SHANK2: variants seen among roughly 807,000 people sequenced by gnomAD.
The protein encoded by SHANK2 is SH3 and multiple ankyrin repeat domains protein 2.
A neutral mutation model predicts 133.7 loss-of-function variants in SHANK2; 43 were observed. That is an observed-to-expected ratio of 0.32 (90% CI 0.25 to 0.41). The LOEUF (loss-of-function observed/expected upper bound fraction) is 0.41. Ranked by LOEUF, SHANK2 falls within the 10% of genes least tolerant of loss-of-function variation. The pLI is 1.00. For synonymous variants in SHANK2, 1,017 were observed against 952.8 expected (o/e 1.07, Z -1.24); for missense variants, 1,994 against 2,235.8 (o/e 0.89, Z 2.18).
intron 17 of SHANK2, among the ~76,000 whole-genome samples, chr11:70,652,591 T>C (rs566242142): frequency 6.6e-6 from 1 of 152,154 alleles, no homozygotes; most frequent in Non-Finnish European, 1.5e-5. Context: ...GGGAGGATCA[T>C]TTGAGGCCAG....
intron 6 of SHANK2, among the ~76,000 whole-genome samples, chr11:71,098,172 T>A (rs1951658163): frequency 6.6e-6 from 1 of 151,352 alleles, no homozygotes; most frequent in South Asian, 2.1e-4. Flanking sequence ...TGTGCATGCC[T>A]GTGTGCATGC....
chr11:70,589,377 T>G (rs951655066), intron 17 of SHANK2, among the ~76,000 whole-genome samples: 1 of 152,222 alleles, frequency 6.6e-6, no homozygotes, highest in African/African-American at 2.4e-5. Context: ...GTTTACAGCA[T>G]GGCTATTTAC....
chr11:71,154,984 A>G (rs1224496529), intron 2 of SHANK2, among the ~76,000 whole-genome samples: 13 of 72,008 alleles, frequency 1.8e-4, no homozygotes, highest in Admixed American at 5.7e-4. Flanking sequence ...CAGAAGAGGG[A>G]TGGACCTACC....
At chr11:71,185,462 T>C (rs1315164526) in intron 2 of SHANK2, among the ~76,000 whole-genome samples, 1 of 152,140 alleles carries the variant, frequency 6.6e-6, no homozygotes, top group Non-Finnish European at 1.5e-5. Flanking sequence ...AGGATGGGGA[T>C]TATATAGACC....
intron 8 of SHANK2, 81 bp from the exon 9 acceptor site, chr11:71,075,356 C>T (rs918952330): frequency 8.0e-5 from 11 of 136,900 alleles, no homozygotes; most frequent in Non-Finnish European, 1.1e-4. Context: ...ACCAGCCACT[C>T]GGCTGCTCCA....
intron 17 of SHANK2, among the ~76,000 whole-genome samples, chr11:70,658,208 AACACACACACAC>A (rs782131753): frequency 3.4e-4 from 33 of 97,566 alleles, no homozygotes; most frequent in Admixed American, 1.7e-3. Context: ...ACGCCCCCCC[AACACACACACAC>A]ACACACACAC....
At chr11:70,885,194 A>AGGGGAACCGTGC (rs1555073188) in intron 11 of SHANK2, among the ~76,000 whole-genome samples, 4 of 151,546 alleles carry the variant, frequency 2.6e-5, no homozygotes, top group Non-Finnish European at 5.9e-5. Flanking sequence ...CGCTGTATAG[A>AGGGGAACCGTGC]GGGGAACCGC....
chr11:70,494,502 C>T (rs539319484), intron 21 of SHANK2, among the ~76,000 whole-genome samples: 1 of 152,220 alleles, frequency 6.6e-6, no homozygotes, highest in East Asian at 1.9e-4. Context: ...CCATGTTGGC[C>T]AGGCTGGTCT....
At chr11:70,565,352 C>T (rs1217256276) in intron 17 of SHANK2, among the ~76,000 whole-genome samples, 2 of 152,196 alleles carry the variant, frequency 1.3e-5, no homozygotes, top group Admixed American at 6.5e-5. Context: ...TCAAGCAATT[C>T]TTCCTGCCTC....
chr11:71,122,689 C>T (rs185700308), intron 3 of SHANK2, among the ~76,000 whole-genome samples: 14 of 152,186 alleles, frequency 9.2e-5, no homozygotes, highest in East Asian at 1.9e-4. Context: ...ATCATGCACA[C>T]GGGGAGACGA....
At chr11:71,233,620 T>C (rs879965577) in intron 1 of SHANK2, among the ~76,000 whole-genome samples, 5 of 152,222 alleles carry the variant, frequency 3.3e-5, no homozygotes, top group Non-Finnish European at 5.9e-5. Context: ...TGAATCACAA[T>C]GTTATGTAAA....
At chr11:70,913,978 C>CTGT (rs1186992990) in intron 10 of SHANK2, among the ~76,000 whole-genome samples, 1 of 152,190 alleles carries the variant, frequency 6.6e-6, no homozygotes, top group African/African-American at 2.4e-5. Context: ...TAGAGCAGTG[C>CTGT]TGTGAGTGTT....
intron 14 of SHANK2, among the ~76,000 whole-genome samples, chr11:70,737,526 G>A (rs888108568): frequency 1.3e-4 from 20 of 152,146 alleles, no homozygotes; most frequent in African/African-American, 3.4e-4. Context: ...CATGCATCTC[G>A]CTCCAGACAT....
intron 14 of SHANK2, among the ~76,000 whole-genome samples, chr11:70,752,323 C>A (rs1555037568): frequency 6.6e-6 from 1 of 152,070 alleles, no homozygotes; most frequent in East Asian, 1.9e-4. Flanking sequence ...GACATACACA[C>A]ACTAATAAGA....
intron 2 of SHANK2, among the ~76,000 whole-genome samples, chr11:71,208,322 T>G (rs868939210): frequency 2.7e-5 from 4 of 150,574 alleles, no homozygotes; most frequent in South Asian, 2.1e-4. Context: ...GATGGGGAAG[T>G]TGGGGGGAGA....
chr11:70,474,575 C>G (rs1739364729), intron 25 of SHANK2: 1 of 152,300 alleles, frequency 6.6e-6, no homozygotes, highest in Admixed American at 6.5e-5. Context: ...CTCTCCACAC[C>G]AAGAGAACTG....
chr11:70,485,635 T>C lies in SHANK2; in HGVS notation c.4658A>G (p.Lys1553Arg). ...KPPVPPKPKM[K>R]PIIHKSNALY... is the part of the protein sequence containing the mutation. ...TGCATTGCTTTTGTGAATGATGGGC[T>C]TCATTTTTGGCTTAGGAGGTACTGG... Residue 1553 changes from lysine (K) to arginine (R), a missense_variant, in exon 25 of 26, where the codon AAG (lysine) becomes AGG (arginine). This residue lies in a region of SHANK2 where 797 missense variants were observed against 907.4 expected (regional missense o/e 0.88). Transcript: ENST00000601538. This position sits in a 1 kb window ranked among gnomAD's most constrained non-coding sequence, Gnocchi z 5.8. 2.5e-6 allele frequency: 4 copies of C among 1,614,126 alleles called. No homozygotes were observed. The highest frequency in any genetic ancestry group is 3.4e-6 in the Non-Finnish European group (4 of 1,180,042).
chr11:71,145,638 C>T (rs1424508536), intron 3 of SHANK2, among the ~76,000 whole-genome samples: 5 of 152,212 alleles, frequency 3.3e-5, no homozygotes, highest in African/African-American at 1.2e-4. Context: ...CTGAGAGGTG[C>T]TAACCCCAGG....
chr11:71,253,119 G>A (rs1948217065), upstream of SHANK2, among the ~76,000 whole-genome samples: 1 of 152,182 alleles, frequency 6.6e-6, no homozygotes, highest in Non-Finnish European at 1.5e-5. Flanking sequence ...ATCTCCGCCA[G>A]CTGCCCTCCA....
Sources: gnomAD v4.1 joint callset for allele counts (sites outside exome capture counted in the v4.1 genomes callset) on GRCh38, gnomAD v4.1.1 for gene constraint, gnomAD v4.1.1 regional missense constraint, Gnocchi (gnomAD v3.1) non-coding constraint, MANE v1.5 for transcripts, NCBI Gene and HGNC (gene_info 2026-07-23, HGNC 2026-07-21) for gene names.